Variants in SOS2 observed in about 807,000 individuals in gnomAD.
SOS2 encodes the protein SOS Ras/Rho guanine nucleotide exchange factor 2.
SOS2 carries 65 observed loss-of-function variants against 148.2 expected under a neutral mutation model. That is an observed-to-expected ratio of 0.44 (90% CI 0.36 to 0.54). The LOEUF is 0.54. SOS2 is among the 20% of genes least tolerant of loss of function. The pLI, the probability that SOS2 is intolerant of heterozygous loss-of-function variation, is 0.00. For missense variants in SOS2, 1,341 were observed against 1,590.2 expected, an observed-to-expected ratio of 0.84 and a Z score of 2.67; for synonymous variants, 539 against 537.1, an observed-to-expected ratio of 1.00 and a Z score of -0.05.
At chr14:50,201,390 G>T (rs185052456) in intron 2 of SOS2, among the ~76,000 whole-genome samples, 5 of 151,880 alleles carry the variant, frequency 3.3e-5, no homozygotes, top group African/African-American at 1.2e-4. Context: ...AATTAGCCCG[G>T]CATGGTGGTG....
chr14:50,183,037 T>G (rs1885793303), intron 5 of SOS2, among the ~76,000 whole-genome samples: 5 of 152,262 alleles, frequency 3.3e-5, no homozygotes, highest in Admixed American at 3.3e-4. Context: ...ATATTTCCAT[T>G]AAATGTCAAC....
In SOS2 at chr14:50,182,592, A is replaced by G; in HGVS notation, c.729T>C (p.Ile243=). The change falls in exon 6 of 23, where the codon ATT becomes ATC. Residue 243 remains isoleucine, a synonymous_variant. Coordinates refer to ENST00000216373, the MANE Select transcript of SOS2 (RefSeq NM_006939.4). ...KLFKPSDIEK[I]FSNISDIHEL... ...CATGTATATCTGAAATGTTACTAAA[A>G]ATCTTTTCGATATCCTGAAAAAAGA... The G allele has an allele frequency of 1.2e-6, 2 of 1,602,770 alleles. No individual in the cohort carries two copies. The highest frequency in any genetic ancestry group is 1.7e-6 in the Non-Finnish European group (2 of 1,172,038).
intron 1 of SOS2, among the ~76,000 whole-genome samples, chr14:50,223,041 G>A (rs1433087554): frequency 2.0e-5 from 3 of 152,142 alleles, no homozygotes; most frequent in African/African-American, 7.2e-5. Flanking sequence ...TATAGTTTGA[G>A]GTAGAGCTAA....
At chr14:50,179,526 C>T (rs895533727) in intron 7 of SOS2, among the ~76,000 whole-genome samples, 1 of 151,996 alleles carries the variant, frequency 6.6e-6, no homozygotes, top group African/African-American at 2.4e-5. Context: ...CCACCACACT[C>T]GGCTAAGTTT....
At chr14:50,223,914 A>G (rs1287300479) in intron 1 of SOS2, among the ~76,000 whole-genome samples, 3 of 152,100 alleles carry the variant, frequency 2.0e-5, no homozygotes, top group Non-Finnish European at 4.4e-5. Context: ...TAAATTTGGT[A>G]ATTATCAGAT....
intron 1 of SOS2, among the ~76,000 whole-genome samples, chr14:50,222,676 C>T (rs1470371615): frequency 7.2e-5 from 11 of 152,134 alleles, no homozygotes; most frequent in Non-Finnish European, 1.5e-5. Flanking sequence ...AACATGTCTA[C>T]GTTATAGAAA....
chr14:50,230,777 C>G, intron 1 of SOS2: 1 of 414,280 alleles, frequency 2.4e-6, no homozygotes, highest in Non-Finnish European at 3.3e-6. Context: ...AGTGGATACC[C>G]TTGACAAGCA....
intron 9 of SOS2, among the ~76,000 whole-genome samples, chr14:50,160,529 G>C (rs951689019): frequency 1.3e-5 from 2 of 151,698 alleles, no homozygotes; most frequent in African/African-American, 2.4e-5. Context: ...TGGGATTACA[G>C]GTGCCTGCCA....
chr14:50,189,052 G>A (rs960527795), intron 4 of SOS2, among the ~76,000 whole-genome samples: 2 of 127,352 alleles, frequency 1.6e-5, no homozygotes, highest in Non-Finnish European at 3.3e-5. Flanking sequence ...GCGACAGAGC[G>A]AGACTCCATC....
chr14:50,178,045 G>C (rs1302343669), intron 7 of SOS2, among the ~76,000 whole-genome samples: 1 of 152,162 alleles, frequency 6.6e-6, no homozygotes, highest in Non-Finnish European at 1.5e-5. Flanking sequence ...TTGGATAATA[G>C]CTATAATAAT....
intron 4 of SOS2, among the ~76,000 whole-genome samples, chr14:50,191,600 T>C (rs1405059145): frequency 6.6e-6 from 1 of 152,128 alleles, no homozygotes; most frequent in Non-Finnish European, 1.5e-5. Context: ...AGAGTTCCAT[T>C]CTTAAAACTC....
At chr14:50,147,059 A>C (rs1428548703) in intron 14 of SOS2, among the ~76,000 whole-genome samples, 1 of 150,766 alleles carries the variant, frequency 6.6e-6, no homozygotes, top group Non-Finnish European at 1.5e-5. Context: ...AAAAACAGGC[A>C]CAGTAGTTCC....
chr14:50,177,392 G>A (rs1885559628), intron 7 of SOS2, among the ~76,000 whole-genome samples: 1 of 151,996 alleles, frequency 6.6e-6, no homozygotes, highest in Non-Finnish European at 1.5e-5. Flanking sequence ...TATTAAGGAA[G>A]CATTATTTTA....
intron 1 of SOS2, among the ~76,000 whole-genome samples, chr14:50,206,217 A>G (rs1225446987): frequency 6.6e-6 from 1 of 151,906 alleles, no homozygotes; most frequent in African/African-American, 2.4e-5. Flanking sequence ...CATTTTTGTC[A>G]ACCTTTCTTT....
intron 4 of SOS2, among the ~76,000 whole-genome samples, chr14:50,191,372 G>A (rs1257319991): frequency 6.6e-6 from 1 of 152,160 alleles, no homozygotes; most frequent in South Asian, 2.1e-4. Context: ...TGAAGGCTGA[G>A]GTGGGAGAAT....
chr14:50,175,941 C>T (rs1381916655), intron 7 of SOS2, among the ~76,000 whole-genome samples: 1 of 152,164 alleles, frequency 6.6e-6, no homozygotes, highest in Non-Finnish European at 1.5e-5. Flanking sequence ...CAAAAAGTGC[C>T]ACCAATTTTC....
intron 1 of SOS2, among the ~76,000 whole-genome samples, chr14:50,211,738 A>C (rs1429500466): frequency 6.6e-6 from 1 of 152,120 alleles, no homozygotes; most frequent in African/African-American, 2.4e-5. Context: ...GATTACAGGC[A>C]TGAGCCACCA....
intron 1 of SOS2, among the ~76,000 whole-genome samples, chr14:50,229,411 C>G (rs1367988477): frequency 6.6e-6 from 1 of 151,554 alleles, no homozygotes; most frequent in South Asian, 2.1e-4. Flanking sequence ...CACCTGAGTT[C>G]CAGGAAAACA....
At position 50,118,636 on chromosome 14, in the gene SOS2, G is replaced by A. The variant is rs1403796339; in HGVS notation, c.3707C>T (p.Pro1236Leu). 1.2e-6 allele frequency: 2 copies of A among 1,614,082 alleles called. No homozygotes were observed. The highest frequency in any genetic ancestry group is 2.2e-5 in the South Asian group (2 of 91,074). The change falls in exon 23 of 23, where the codon CCA (proline) becomes CTA (leucine). Residue 1236 changes from proline (P) to leucine (L), a missense_variant. Pro to Leu is a moderately conservative substitution (Grantham distance 98). This residue lies in a region of SOS2 where 354 missense variants were observed against 347.7 expected (regional missense o/e 1.02). Transcript: ENST00000216373. ...TCTGTGAAGATGCCCCAGTGGAGGT[G>A]GCTGAAGATTAAATGGACAGTTTAT... Reference protein sequence around the residue: ...HFINCPFNLQPPPLGHLHRDS... With the variant: ...HFINCPFNLQLPPLGHLHRDS...
Sources: gnomAD v4.1 joint callset for allele counts (sites outside exome capture counted in the v4.1 genomes callset) on GRCh38, gnomAD v4.1.1 for gene constraint, gnomAD v4.1.1 regional missense constraint, MANE v1.5 for transcripts, NCBI Gene and HGNC (gene_info 2026-07-23, HGNC 2026-07-21) for gene names.